The following IQCJ variants were observed in gnomAD, a reference collection of about 807,000 sequenced individuals.
IQCJ encodes IQ motif containing J.
In IQCJ, 9 loss-of-function variants were observed where a neutral mutation model predicts 11.0. The observed-to-expected ratio is 0.82, with a 90% CI of 0.49 to 1.43. IQCJ has a LOEUF of 1.43. Among genes scored for constraint, IQCJ ranks in the 40% most tolerant of loss-of-function variants. The probability of loss-of-function intolerance (pLI) is 0.00; values close to 1 mark genes in which losing one functional copy is unlikely to be tolerated. For synonymous variants in IQCJ, 55 were observed against 51.3 expected, an observed-to-expected ratio of 1.07 and a Z score of -0.31; for missense variants, 146 against 133.2, an observed-to-expected ratio of 1.10 and a Z score of -0.47.
In IQCJ at chr3:159,114,705, C is replaced by T. The variant is rs565575625; in HGVS notation, c.9+45264C>T. Among the ~76,000 whole-genome samples, 24 of 152,314 alleles carry T rather than the reference C, an allele frequency of 1.6e-4. No individual in the cohort carries two copies. In the East Asian group the frequency reaches 4.3e-3, roughly 27 times the overall value. On this transcript the variant is annotated intron_variant, in intron 1 of 3. Transcript: ENST00000397832. The stretch of plus-strand genomic sequence containing the variant: ...ATGGAACTCGTAAGCTGGAGAGCCA[C>T]AGCCTCTGCTCTGGAGTGCTCTGCG...
chr3:159,171,281 C>T (rs538575228), intron 1 of IQCJ, among the ~76,000 whole-genome samples: 30 of 152,220 alleles, frequency 2.0e-4, no homozygotes, highest in African/African-American at 5.5e-4. Context: ...CATTTGTTTA[C>T]GTACATGAAT....
At position 159,164,774 on chromosome 3, in the gene IQCJ, C is replaced by A. The variant is rs149939461; in HGVS notation, c.10-81069C>A. On this transcript the variant is annotated intron_variant, in intron 1 of 3. Coordinates refer to ENST00000397832, the MANE Select transcript of IQCJ (RefSeq NM_001042706.3). ...CAGAGAGAGACTCCATCCCCTCCCC[C>A]CCAAAAAAGAGGTTCAGCTGCGTGT... is the stretch of plus-strand genomic sequence containing the variant. Among the ~76,000 whole-genome samples the A allele has an allele frequency of 8.5e-5, 13 of 152,148 alleles. No homozygotes were observed. In the East Asian group the frequency reaches 1.9e-3, roughly 23 times the overall value.
chr3:159,252,014 A>T (rs139329402), intron 2 of IQCJ, among the ~76,000 whole-genome samples: 1 of 152,154 alleles, frequency 6.6e-6, no homozygotes, highest in East Asian at 1.9e-4. Context: ...TTTTTCATCC[A>T]CTTCGACCAA....
intron 1 of IQCJ, among the ~76,000 whole-genome samples, chr3:159,212,365 G>T (rs1204731292): frequency 6.6e-6 from 1 of 152,054 alleles, no homozygotes; most frequent in Admixed American, 6.6e-5. Flanking sequence ...GTAAAATGGG[G>T]GTCATGATAT....
At chr3:159,265,768 T>C (rs181449834), downstream of IQCJ, 95 of 162,004 alleles carry the variant, frequency 5.9e-4, no homozygotes, top group Non-Finnish European at 8.6e-4. Flanking sequence ...CAACAAGCCC[T>C]TACCTAACTT....
At chr3:159,240,357 G>T (rs1726846524) in intron 1 of IQCJ, among the ~76,000 whole-genome samples, 1 of 152,122 alleles carries the variant, frequency 6.6e-6, no homozygotes, top group Admixed American at 6.6e-5. Context: ...AGATCATGTA[G>T]TTAAAGAGGT....
At position 159,127,736 on chromosome 3, in the gene IQCJ, CTAT is replaced by C. The variant is rs375047599; in HGVS notation, c.9+58302_9+58304del. On this transcript the variant is annotated intron_variant, in intron 1 of 3. Transcript: ENST00000397832. The stretch of plus-strand genomic sequence containing the variant: ...CAGTAATTACAAAATATAGCGTGAA[CTAT>C]TATTATCAAAACTTCGAAGAAAGTC... Among the ~76,000 whole-genome samples the C allele has an allele frequency of 8.7e-4, 132 of 152,226 alleles. 2 individuals carry two copies. In the East Asian group the frequency reaches 0.022, roughly 25 times the overall value.
chr3:159,242,567 AT>A (rs1439991004), intron 1 of IQCJ, among the ~76,000 whole-genome samples: 2 of 101,016 alleles, frequency 2.0e-5, no homozygotes, highest in African/African-American at 4.0e-5. Flanking sequence ...TGCCAGCTGA[AT>A]CTTTTTTTTT....
chr3:159,251,575 A>G (rs1727602536), intron 2 of IQCJ, among the ~76,000 whole-genome samples: 3 of 151,946 alleles, frequency 2.0e-5, no homozygotes. Flanking sequence ...AAATCAAAGT[A>G]TATCACATGT....
chr3:159,076,608 C>G (rs1347019921), intron 1 of IQCJ, among the ~76,000 whole-genome samples: 5 of 152,142 alleles, frequency 3.3e-5, no homozygotes, highest in African/African-American at 9.7e-5. Context: ...TGCACATCCC[C>G]TTGCTGTCAC....
intron 1 of IQCJ, among the ~76,000 whole-genome samples, chr3:159,141,064 T>G (rs1720573155): frequency 2.0e-5 from 3 of 152,362 alleles, no homozygotes; most frequent in Admixed American, 2.0e-4. Flanking sequence ...GTTGACCTAT[T>G]CAGCAAGACA....
intron 1 of IQCJ, among the ~76,000 whole-genome samples, chr3:159,094,833 T>G (rs578174513): frequency 6.6e-5 from 10 of 152,068 alleles, no homozygotes; most frequent in African/African-American, 2.2e-4. Flanking sequence ...ATTATCCATG[T>G]TGGTTGATGT....
chr3:159,127,720 C>T (rs1719756530), intron 1 of IQCJ, among the ~76,000 whole-genome samples: 2 of 152,136 alleles, frequency 1.3e-5, no homozygotes, highest in African/African-American at 4.8e-5. Context: ...TCAGTAATTA[C>T]AAAATATAGC....
chr3:159,243,012 A>G (rs545152270), intron 1 of IQCJ, among the ~76,000 whole-genome samples: 1 of 152,320 alleles, frequency 6.6e-6, no homozygotes, highest in South Asian at 2.1e-4. Flanking sequence ...CAACATTATT[A>G]GTTATCAGAG....
intron 1 of IQCJ, among the ~76,000 whole-genome samples, chr3:159,142,661 A>C (rs1168510742): frequency 6.6e-6 from 1 of 151,980 alleles, no homozygotes; most frequent in African/African-American, 2.4e-5. Flanking sequence ...CAGGTGATCT[A>C]CCTGCCTCAG....
At chr3:159,105,513 G>C (rs1041487058) in intron 1 of IQCJ, among the ~76,000 whole-genome samples, 2 of 152,136 alleles carry the variant, frequency 1.3e-5, no homozygotes, top group Non-Finnish European at 2.9e-5. Flanking sequence ...CACTCTCATG[G>C]GGGGAGACAA....
chr3:159,195,443 G>T (rs139927654), intron 1 of IQCJ, among the ~76,000 whole-genome samples: 7 of 152,340 alleles, frequency 4.6e-5, no homozygotes, highest in African/African-American at 1.7e-4. Flanking sequence ...AAACAATGGA[G>T]GAGTGGTAGC....
intron 3 of IQCJ, among the ~76,000 whole-genome samples, chr3:159,261,310 TC>T (rs1371586360): frequency 3.3e-5 from 5 of 152,174 alleles, no homozygotes; most frequent in Non-Finnish European, 7.4e-5. Flanking sequence ...AACTGTTAAC[TC>T]CCAGAAGAGG....
intron 1 of IQCJ, among the ~76,000 whole-genome samples, chr3:159,095,578 T>C (rs564565318): frequency 7.6e-4 from 86 of 113,644 alleles, no homozygotes; most frequent in African/African-American, 2.9e-3. Context: ...TGTGATCTCA[T>C]TGTTCAATTC....
Sources: allele counts gnomAD v4.1 joint callset (sites outside exome capture counted in the v4.1 genomes callset), GRCh38; gene constraint gnomAD v4.1.1; transcripts MANE v1.5; gene names NCBI Gene and HGNC (gene_info 2026-07-23, HGNC 2026-07-21).